POLR2C: variants seen among roughly 807,000 people sequenced by gnomAD.
The protein encoded by POLR2C is RNA polymerase II subunit C.
Under a neutral mutation model 41.7 loss-of-function variants are expected in POLR2C, and 36 were observed. That is an observed-to-expected ratio of 0.86 (90% CI 0.66 to 1.14). The LOEUF is 1.14. Among genes scored for constraint, POLR2C ranks in the 50% most tolerant of loss-of-function variants. The pLI, the probability that POLR2C is intolerant of heterozygous loss-of-function variation, is 0.00. For missense variants in POLR2C, 260 were observed against 350.4 expected (o/e 0.74, Z 2.06); for synonymous variants, 133 against 137.8 (o/e 0.96, Z 0.25).
chr16:57,470,304 G>A lies in POLR2C; in HGVS notation c.633G>A (p.Leu211=). ...EEWPKSEYSE[L]DEDESQAPYD... is the part of the protein sequence containing the mutation. ...GGCCAAAGAGTGAGTACTCGGAGCTGGATGAGGATGAGTCGCAGGCTCCCT... is the reference window on the plus strand; with the variant it reads ...GGCCAAAGAGTGAGTACTCGGAGCTAGATGAGGATGAGTCGCAGGCTCCCT... The change falls in exon 8 of 9, where the codon CTG becomes CTA. Residue 211 remains leucine, a synonymous_variant. Transcript: ENST00000219252. 6.2e-7 allele frequency: 1 copy of A among 1,613,126 alleles called. No homozygotes were observed. Among genetic ancestry groups the A allele is most frequent in the Non-Finnish European group, 8.5e-7 (1 of 1,179,510 alleles).
At chr16:57,463,827 C>T (rs1180920349) in intron 2 of POLR2C, 1 of 322,270 alleles carries the variant, frequency 3.1e-6, no homozygotes, top group Non-Finnish European at 6.2e-6. Flanking sequence ...CCTGTAATCC[C>T]AGCTACTGGG....
At chr16:57,470,439 C>G (rs2030806017) in intron 8 of POLR2C, 85 bp downstream of exon 8, 4 of 948,158 alleles carry the variant, frequency 4.2e-6, no homozygotes, top group African/African-American at 3.3e-5. Context: ...ATTCCCTCTC[C>G]CCCACCTCGC....
Position 57,469,843 on chromosome 16 carries a change from G to A in POLR2C, c.439+82G>A, listed in dbSNP as rs1307120957. The A allele has an allele frequency of 1.1e-5, 18 of 1,577,166 alleles. No individual in the cohort carries two copies. The highest frequency in any genetic ancestry group is 2.7e-5 in the African/African-American group (2 of 73,272). On this transcript the variant is annotated intron_variant, in intron 6 of 8. Coordinates refer to ENST00000219252, the MANE Select transcript of POLR2C (RefSeq NM_032940.3). This position sits in a 1 kb window ranked among gnomAD's most constrained non-coding sequence, Gnocchi z 5.8. ...GCCTCTCGTGCTGCCTGGTCTCCTC[G>A]AAAATTGGCTTTAGACCGTTTTTCC... is the stretch of plus-strand genomic sequence containing the variant.
In POLR2C at chr16:57,469,909, T is replaced by C. The variant is rs2030787117; in HGVS notation, c.440-52T>C. 5 of 1,602,978 alleles carry C rather than the reference T, an allele frequency of 3.1e-6. No homozygotes were observed. The South Asian group carries it at 5.5e-5, about 18-fold the overall frequency. On this transcript the variant is annotated intron_variant, in intron 6 of 8. Coordinates refer to ENST00000219252, the MANE Select transcript of POLR2C (RefSeq NM_032940.3). The surrounding 1 kb of genome is among the most constrained non-coding windows in gnomAD (Gnocchi z 5.8). ...TGCAGTGGCACTCCAAGTCAGAATT[T>C]GGAGAAGCATGTCTCTCCTGGCCCT...
chr16:57,470,373 ATGGG>A lies in POLR2C; in HGVS notation c.683+20_683+23del. The A allele has an allele frequency of 6.3e-7, 1 of 1,575,300 alleles. No individual in the cohort carries two copies. The highest frequency in any genetic ancestry group is 1.4e-5 in the African/African-American group (1 of 72,194). On this transcript the variant is annotated intron_variant, in intron 8 of 8. Coordinates refer to ENST00000219252, the MANE Select transcript of POLR2C (RefSeq NM_032940.3). ...CAGAAAGGTAAGAGCCTGGTTGGAC[ATGGG>A]AAGGTGAAGTGTGGAAGAAGGGATG...
intron 4 of POLR2C, 90 bp downstream of exon 4, chr16:57,466,317 A>G: frequency 1.2e-6 from 1 of 837,552 alleles, no homozygotes; most frequent in South Asian, 1.6e-5. Flanking sequence ...ATCCAGCTTG[A>G]ATACTGTTGT....
rs1598045688 is a variant in POLR2C at position 57,471,244 on chromosome 16, A to G, written c.*125A>G. 2 of 789,338 alleles carry G rather than the reference A, an allele frequency of 2.5e-6. No individual in the cohort carries two copies. Among genetic ancestry groups the G allele is most frequent in the Non-Finnish European group, 4.2e-6 (2 of 477,390 alleles). The allele number at this position is 789,338 out of a possible 1,614,324, so 48.9% of individuals were successfully genotyped here. ...TGTTGGTTGAGCTTCTTGGCAGGAC[A>G]TCAGTACCAACTAGAAGTGGGTCAT... On this transcript the variant is annotated 3_prime_UTR_variant, in exon 9 of 9. Transcript: ENST00000219252.
At chr16:57,466,103 C>G (rs1055264719) in intron 3 of POLR2C, 72 bp from the exon 4 acceptor site, 4 of 1,450,522 alleles carry the variant, frequency 2.8e-6, no homozygotes, top group Non-Finnish European at 3.9e-6. Context: ...GCCTCACCCC[C>G]AGAAGGCTTC....
chr16:57,470,022 G>A lies in POLR2C; in HGVS notation c.501G>A (p.Lys167=). The A allele has an allele frequency of 6.2e-7, 1 of 1,614,156 alleles. No individual in the cohort carries two copies. The highest frequency in any genetic ancestry group is 1.1e-5 in the South Asian group (1 of 91,082). ...QELRLRAYAK[K]GFGKEHAKWN... is the part of the protein sequence containing the mutation. ...TGAGACTTCGAGCCTATGCCAAAAA[G>A]GGCTTTGGCAAGGAGCATGCCAAGT... Residue 167 remains lysine, a synonymous_variant, in exon 7 of 9, where the codon AAG becomes AAA. Coordinates refer to ENST00000219252, the MANE Select transcript of POLR2C (RefSeq NM_032940.3).
chr16:57,462,712 G>T lies in POLR2C; in HGVS notation c.-13G>T, dbSNP rs552164133. The T allele has an allele frequency of 1.5e-5, 23 of 1,584,012 alleles. No individual in the cohort carries two copies. The highest frequency in any genetic ancestry group is 1.7e-5 in the Non-Finnish European group (20 of 1,164,894). ...CGCGGAGCAGACGCGGAGGCTGGTG[G>T]CCCCTGGGCGAGATGCCGTACGCCA... On this transcript the variant is annotated 5_prime_UTR_variant, in exon 1 of 9. Coordinates refer to ENST00000219252, the MANE Select transcript of POLR2C (RefSeq NM_032940.3).
rs779791924 is a variant in POLR2C, at chr16:57,466,036, T to C, written c.205+15T>C. The C allele has an allele frequency of 3.3e-6, 5 of 1,537,702 alleles. No individual in the cohort carries two copies. In the South Asian group the frequency reaches 4.5e-5, roughly 14 times the overall value. The stretch of plus-strand genomic sequence containing the variant: ...TCACAGGCTTGGTGAGTACTCCTTT[T>C]ACTAGGAGGTTAAAGGGAGGGTATT... On this transcript the variant is annotated intron_variant, in intron 3 of 8. Transcript: ENST00000219252.
rs1352644753 is a variant in POLR2C, at chr16:57,470,140, C to T, written c.608+11C>T. 1 of 1,608,078 alleles carries T rather than the reference C, an allele frequency of 6.2e-7. No individual in the cohort carries two copies. The highest frequency in any genetic ancestry group is 8.5e-7 in the Non-Finnish European group (1 of 1,177,324). The stretch of plus-strand genomic sequence containing the variant: ...CAAGCCCGAGGAATGGTATGTTCCC[C>T]TTAGGAGTGATGGCAGGCATTTGGG... On this transcript the variant is annotated intron_variant, in intron 7 of 8. Transcript: ENST00000219252.
At position 57,469,266 on chromosome 16, in the gene POLR2C, C is replaced by T; in HGVS notation, c.360C>T (p.Leu120=). The T allele has an allele frequency of 6.2e-7, 1 of 1,614,214 alleles. No individual in the cohort carries two copies. Among genetic ancestry groups the T allele is most frequent in the Non-Finnish European group, 8.5e-7 (1 of 1,180,008 alleles). The change falls in exon 5 of 9, where the codon CTC becomes CTT. Residue 120 remains leucine, a synonymous_variant. Coordinates refer to ENST00000219252, the MANE Select transcript of POLR2C (RefSeq NM_032940.3). The surrounding 1 kb of genome is among the most constrained non-coding windows in gnomAD (Gnocchi z 5.8). ...CGCGACATGTCACGTCTCGAGACCT[C>T]ATCTCCAACAGCCCCCGGGTCATTC... is the stretch of plus-strand genomic sequence containing the variant. ...DQTRHVTSRD[L]ISNSPRVIPV...
intron 2 of POLR2C, 44 bp from the exon 3 acceptor site, chr16:57,465,909 A>G (rs2030695344): frequency 4.8e-6 from 6 of 1,249,988 alleles, no homozygotes; most frequent in South Asian, 4.8e-5. Context: ...GTCTGTAGGT[A>G]AATTTGATGG....
rs779339122 is a variant in POLR2C at position 57,469,774 on chromosome 16, G to A, written c.439+13G>A. On this transcript the variant is annotated intron_variant, in intron 6 of 8. Transcript: ENST00000219252. The surrounding 1 kb of genome is among the most constrained non-coding windows in gnomAD (Gnocchi z 5.8). Reference sequence around the variant, plus strand: ...GTGGAGCAGGATGGTAAGTCTTCCTGACCTGTCACCGTGTGGGCCAGCGGG... The same window carrying A: ...GTGGAGCAGGATGGTAAGTCTTCCTAACCTGTCACCGTGTGGGCCAGCGGG... 6.2e-7 allele frequency: 1 copy of A among 1,611,020 alleles called. No homozygotes were observed. Among genetic ancestry groups the A allele is most frequent in the South Asian group, 1.1e-5 (1 of 91,048 alleles).
intron 2 of POLR2C, 46 bp downstream of exon 2, chr16:57,463,124 C>T (rs921762120): frequency 2.8e-6 from 4 of 1,421,714 alleles, no homozygotes; most frequent in Non-Finnish European, 4.0e-6. Context: ...GGTTCCTGCC[C>T]CGCTCTCCAC....
chr16:57,469,313 C>G lies in POLR2C; in HGVS notation c.387+20C>G. On this transcript the variant is annotated intron_variant, in intron 5 of 8. Coordinates refer to ENST00000219252, the MANE Select transcript of POLR2C (RefSeq NM_032940.3). The surrounding 1 kb of genome is among the most constrained non-coding windows in gnomAD (Gnocchi z 5.8). ...ATTCCGGTCAGTGCGGGAGAGCATC[C>G]TCTTTTCCCTGGGATCTTTTCTCTT... is the stretch of plus-strand genomic sequence containing the variant. The G allele has an allele frequency of 6.2e-7, 1 of 1,611,876 alleles. No homozygotes were observed. Among genetic ancestry groups the G allele is most frequent in the Non-Finnish European group, 8.5e-7 (1 of 1,179,630 alleles).
intron 3 of POLR2C, 60 bp downstream of exon 3, chr16:57,466,081 G>A: frequency 7.1e-7 from 1 of 1,412,286 alleles, no homozygotes; most frequent in Non-Finnish European, 1.0e-6. Flanking sequence ...GTCAGGAGGG[G>A]GCCTCCTTCC....
chr16:57,467,939 A>AT (rs1325824964), intron 4 of POLR2C, among the ~76,000 whole-genome samples: 3 of 151,716 alleles, frequency 2.0e-5, no homozygotes, highest in Non-Finnish European at 4.4e-5. Context: ...CTTTCAGTAC[A>AT]TTTTTTTTAG....
Sources: allele counts gnomAD v4.1 joint callset (sites outside exome capture counted in the v4.1 genomes callset), GRCh38; gene constraint gnomAD v4.1.1; non-coding constraint Gnocchi (gnomAD v3.1); transcripts MANE v1.5; gene names NCBI Gene and HGNC (gene_info 2026-07-23, HGNC 2026-07-21).